GALNT17: variants seen among roughly 807,000 people sequenced by gnomAD.
GALNT17 encodes the protein UDP-GalNAc:polypeptide N-acetylgalactosaminyltransferase-like 3.
Under a neutral mutation model 63.7 loss-of-function variants are expected in GALNT17, and 29 were observed. The observed-to-expected ratio is 0.46, with a 90% CI of 0.34 to 0.62. The LOEUF (loss-of-function observed/expected upper bound fraction) is 0.62, where lower values mean the gene tolerates loss of function less well. Ranked by LOEUF, GALNT17 falls within the 20% of genes least tolerant of loss-of-function variation. The probability of loss-of-function intolerance (pLI) is 0.01; values close to 1 mark genes in which losing one functional copy is unlikely to be tolerated. For missense variants in GALNT17, 603 were observed against 799.6 expected (o/e 0.75, Z 2.97); for synonymous variants, 305 against 318.3 (o/e 0.96, Z 0.45).
intron 1 of GALNT17, among the ~76,000 whole-genome samples, chr7:71,158,921 G>A (rs912430629): frequency 6.6e-6 from 1 of 151,834 alleles, no homozygotes; most frequent in Non-Finnish European, 1.5e-5. Context: ...TTGGTAAACT[G>A]GATTCTAGAT....
chr7:71,140,168 G>C (rs962116998), intron 1 of GALNT17, among the ~76,000 whole-genome samples: 4 of 152,134 alleles, frequency 2.6e-5, no homozygotes, highest in Non-Finnish European at 4.4e-5. Context: ...CGAAGGGAGA[G>C]GGCACATGTG....
At chr7:71,244,692 C>T (rs1404041929) in intron 1 of GALNT17, among the ~76,000 whole-genome samples, 6 of 152,088 alleles carry the variant, frequency 3.9e-5, no homozygotes, top group East Asian at 1.9e-4. Flanking sequence ...TGCCCAGGTG[C>T]GGTGGCTCAT....
intron 2 of GALNT17, among the ~76,000 whole-genome samples, chr7:71,371,779 C>T (rs1043226349): frequency 6.6e-6 from 1 of 152,064 alleles, no homozygotes; most frequent in Non-Finnish European, 1.5e-5. Flanking sequence ...GGAAGGGAGA[C>T]GTGCACTATT....
intron 5 of GALNT17, among the ~76,000 whole-genome samples, chr7:71,445,851 G>C (rs959647381): frequency 1.3e-5 from 2 of 151,200 alleles, no homozygotes; most frequent in African/African-American, 2.4e-5. Flanking sequence ...TAGCTGTGAT[G>C]ACAGGAGAGA....
chr7:71,705,675 C>T lies in GALNT17; in HGVS notation c.1501-5086C>T, dbSNP rs78241761. The stretch of plus-strand genomic sequence containing the variant: ...AAATGGTCAAAATGAGGAGACCACA[C>T]CTTGAAGAGACACATTAAAGCAGCA... On this transcript the variant is annotated intron_variant, in intron 9 of 10. Transcript: ENST00000333538. Among the ~76,000 whole-genome samples, 857 of 152,232 alleles carry T rather than the reference C, an allele frequency of 5.6e-3. 7 individuals carry two copies. Among genetic ancestry groups the T allele is most frequent in the African/African-American group, 0.018 (764 of 41,534 alleles).
chr7:71,530,716 C>T (rs766456974), intron 5 of GALNT17, among the ~76,000 whole-genome samples: 5 of 151,938 alleles, frequency 3.3e-5, no homozygotes, highest in African/African-American at 7.3e-5. Flanking sequence ...TACAGGCGCC[C>T]GCCTACAGGC....
chr7:71,480,187 A>G (rs184783287), intron 5 of GALNT17, among the ~76,000 whole-genome samples: 59 of 101,820 alleles, frequency 5.8e-4, no homozygotes, highest in Non-Finnish European at 9.5e-4. Flanking sequence ...TTTTTTTGAG[A>G]CAGAGGCTCT....
intron 2 of GALNT17, among the ~76,000 whole-genome samples, chr7:71,351,931 A>G (rs10267677): frequency 0.62 from 94,418 of 151,770 alleles, 29,632 homozygotes; most frequent in East Asian, 0.85. Flanking sequence ...CAGAGTGCAG[A>G]AGAGATGTAA....
intron 5 of GALNT17, among the ~76,000 whole-genome samples, chr7:71,488,725 G>C (rs547162706): frequency 6.6e-6 from 1 of 150,998 alleles, no homozygotes; most frequent in African/African-American, 2.4e-5. Context: ...GACTACAGGC[G>C]AGCACCACCA....
chr7:71,579,777 A>G (rs1196790621), intron 6 of GALNT17, among the ~76,000 whole-genome samples: 1 of 152,200 alleles, frequency 6.6e-6, no homozygotes, highest in Non-Finnish European at 1.5e-5. Flanking sequence ...ATGAGGATTG[A>G]TAAGCAGAAA....
intron 5 of GALNT17, among the ~76,000 whole-genome samples, chr7:71,471,337 C>G (rs1226999691): frequency 1.4e-5 from 2 of 145,956 alleles, no homozygotes; most frequent in African/African-American, 5.1e-5. Flanking sequence ...TTCAGCCTCC[C>G]AAAGTGCTGA....
chr7:71,555,846 G>C (rs1254702136), intron 5 of GALNT17, among the ~76,000 whole-genome samples: 1 of 152,226 alleles, frequency 6.6e-6, no homozygotes, highest in Non-Finnish European at 1.5e-5. Context: ...GAGGCTTTTG[G>C]AATTTAGCAA....
intron 9 of GALNT17, among the ~76,000 whole-genome samples, chr7:71,693,283 C>T (rs1163924827): frequency 1.7e-5 from 2 of 119,060 alleles, no homozygotes; most frequent in African/African-American, 6.9e-5. Context: ...CACACACACA[C>T]ACACACACAC....
chr7:71,247,187 TTA>T (rs1790114407), intron 1 of GALNT17, among the ~76,000 whole-genome samples: 1 of 152,238 alleles, frequency 6.6e-6, no homozygotes, highest in South Asian at 2.1e-4. Context: ...TTTTAAATGT[TTA>T]TGTTTTTATT....
chr7:71,285,253 G>A (rs905699902), intron 1 of GALNT17, among the ~76,000 whole-genome samples: 13 of 151,984 alleles, frequency 8.6e-5, no homozygotes, highest in African/African-American at 2.2e-4. Context: ...ACAGCAATTC[G>A]GAATAGCCTT....
intron 1 of GALNT17, among the ~76,000 whole-genome samples, chr7:71,328,389 C>A (rs1319887911): frequency 6.6e-6 from 1 of 152,150 alleles, no homozygotes; most frequent in African/African-American, 2.4e-5. Context: ...GCTGCTTCTC[C>A]CCCTTTGACT....
At chr7:71,216,733 C>T (rs191116193) in intron 1 of GALNT17, among the ~76,000 whole-genome samples, 3 of 151,990 alleles carry the variant, frequency 2.0e-5, no homozygotes, top group African/African-American at 7.2e-5. Context: ...CACATATATA[C>T]ACAGACACAC....
At chr7:71,416,147 A>T (rs1461346615) in intron 4 of GALNT17, 84 bp downstream of exon 4, 2 of 1,454,326 alleles carry the variant, frequency 1.4e-6, no homozygotes, top group African/African-American at 2.8e-5. Flanking sequence ...GGGACATTTC[A>T]CCTGTTACCT....
At position 71,257,337 on chromosome 7, in the gene GALNT17, A is replaced by G. The variant is rs1356754029; in HGVS notation, c.239-78213A>G. Among the ~76,000 whole-genome samples, 4 of 152,350 alleles carry G rather than the reference A, an allele frequency of 2.6e-5. No homozygotes were observed. In the East Asian group the frequency reaches 7.7e-4, roughly 29 times the overall value. ...ATGCTTCCTATTAGTCAGGGTGTCC[A>G]TTATGAAATCTCCTGAAAGTTCAGC... On this transcript the variant is annotated intron_variant, in intron 1 of 10. Transcript: ENST00000333538.
Sources: allele counts gnomAD v4.1 joint callset (sites outside exome capture counted in the v4.1 genomes callset), GRCh38; gene constraint gnomAD v4.1.1; transcripts MANE v1.5; gene names NCBI Gene and HGNC (gene_info 2026-07-23, HGNC 2026-07-21).